The following WHRN variants were observed in gnomAD, a reference collection of about 807,000 sequenced individuals.
WHRN encodes whirlin.
A neutral mutation model predicts 68.3 loss-of-function variants in WHRN; 41 were observed. The observed-to-expected ratio is 0.60, with a 90% CI of 0.47 to 0.78. The LOEUF is 0.78. Among genes scored for constraint, WHRN ranks in the 30% least tolerant of loss-of-function variants. The pLI, the probability that WHRN is intolerant of heterozygous loss-of-function variation, is 0.00. For synonymous variants in WHRN, 560 were observed against 561.3 expected (o/e 1.00, Z 0.03); for missense variants, 1,243 against 1,244.7 (o/e 1.00, Z 0.02).
intron 5 of WHRN, 134 bp downstream of exon 5, chr9:114,424,854 T>A: frequency 9.8e-7 from 1 of 1,015,770 alleles, no homozygotes. Context: ...ATAAGTGGGC[T>A]GGGGGGTGGG....
rs1554747807 is a variant in WHRN, at chr9:114,504,788, A to G, written c.14T>C (p.Leu5Pro). MNAP[L>P]DGLSVSSSST... Reference sequence around the variant, plus strand: ...GGACGAGCTCACCGACAGGCCGTCCAGCGGCGCGTTCATCTCCACGCCGAG... The same window carrying G: ...GGACGAGCTCACCGACAGGCCGTCCGGCGGCGCGTTCATCTCCACGCCGAG... The change falls in exon 1 of 12, where the codon CTG becomes CCG. Residue 5 changes from leucine to proline, a missense_variant. Coordinates refer to ENST00000362057, the MANE Select transcript of WHRN (RefSeq NM_015404.4). 6.9e-7 allele frequency: 1 copy of G among 1,457,210 alleles called. No individual in the cohort carries two copies. The highest frequency in any genetic ancestry group is 8.9e-7 in the Non-Finnish European group (1 of 1,118,068). The allele number at this position is 1,457,210 out of a possible 1,614,324, so 90.3% of individuals were successfully genotyped here.
intron 5 of WHRN, 33 bp downstream of exon 5, chr9:114,424,955 G>A (rs1263621794): frequency 6.2e-7 from 1 of 1,611,216 alleles, no homozygotes; most frequent in Non-Finnish European, 8.5e-7. Context: ...GAGCTGTGAG[G>A]AAGCAGAGAA....
At chr9:114,451,286 C>T (rs1248415031) in intron 3 of WHRN, among the ~76,000 whole-genome samples, 12 of 152,156 alleles carry the variant, frequency 7.9e-5, no homozygotes, top group Non-Finnish European at 1.8e-4. Context: ...TTAGGGAGGC[C>T]TGCCTTTGAA....
intron 3 of WHRN, among the ~76,000 whole-genome samples, chr9:114,429,539 T>C (rs1837215208): frequency 6.6e-6 from 1 of 152,172 alleles, no homozygotes. Flanking sequence ...CCCCCAGCAA[T>C]ATCTGCAATT....
At chr9:114,413,535 C>T (rs1333232714) in intron 7 of WHRN, among the ~76,000 whole-genome samples, 1 of 152,142 alleles carries the variant, frequency 6.6e-6, no homozygotes, top group Non-Finnish European at 1.5e-5. Context: ...GTCAGTCATG[C>T]AGGTGGCGAC....
At chr9:114,474,568 A>G (rs1441501175) in intron 2 of WHRN, among the ~76,000 whole-genome samples, 2 of 152,122 alleles carry the variant, frequency 1.3e-5, no homozygotes, top group Admixed American at 1.3e-4. Context: ...GTCATGCTGT[A>G]CCCTCTGTCT....
In WHRN at chr9:114,432,783, T is replaced by C. The variant is rs73658903; in HGVS notation, c.964-6370A>G. Among the ~76,000 whole-genome samples, 1,437 of 152,304 alleles carry C rather than the reference T, an allele frequency of 9.4e-3. 23 individuals are homozygous for C. The highest frequency in any genetic ancestry group is 0.033 in the African/African-American group (1,381 of 41,552). On this transcript the variant is annotated intron_variant, in intron 3 of 11. Coordinates refer to ENST00000362057, the MANE Select transcript of WHRN (RefSeq NM_015404.4). ...AAAGCACATAAACAAGTAGCTAACA[T>C]ACAGTAACTGCATGGGTCTCCATGG...
At chr9:114,443,403 C>T (rs1056850679) in intron 3 of WHRN, among the ~76,000 whole-genome samples, 2 of 152,162 alleles carry the variant, frequency 1.3e-5, no homozygotes, top group Non-Finnish European at 2.9e-5. Flanking sequence ...TTGCCCTTTC[C>T]AAGCTACCAG....
chr9:114,412,570 C>T (rs2132256596), intron 7 of WHRN, among the ~76,000 whole-genome samples: 1 of 152,374 alleles, frequency 6.6e-6, no homozygotes. Flanking sequence ...AGGCCCGACT[C>T]CATATCCCCG....
chr9:114,423,260 G>A (rs2132355002), intron 7 of WHRN, 54 bp downstream of exon 7: 2 of 1,585,142 alleles, frequency 1.3e-6, no homozygotes, highest in Middle Eastern at 2.0e-4. Context: ...TCCAAAGCCA[G>A]CATCTTAACT....
intron 2 of WHRN, among the ~76,000 whole-genome samples, chr9:114,467,518 G>C (rs141911426): frequency 3.3e-5 from 5 of 151,984 alleles, no homozygotes; most frequent in African/African-American, 9.7e-5. Context: ...CAGCCGGCGG[G>C]GGGGAAGGGA....
chr9:114,458,534 G>GT (rs1839990503), intron 3 of WHRN, among the ~76,000 whole-genome samples: 1 of 152,186 alleles, frequency 6.6e-6, no homozygotes, highest in Non-Finnish European at 1.5e-5. Context: ...GCATGCTTGT[G>GT]TTTTCATTTT....
At position 114,424,452 on chromosome 9, in the gene WHRN, A is replaced by T; in HGVS notation, c.1298T>A (p.Leu433Gln). ...RVLLEEQARHLLNEQEHATMA... is the reference protein window; with the variant it reads ...RVLLEEQARHQLNEQEHATMA... ...GGTGGCGTGTTCCTGCTCGTTCAGCAGGTGCCGAGCCTGCTCCTCCAGCAG... is the reference window on the plus strand; with the variant it reads ...GGTGGCGTGTTCCTGCTCGTTCAGCTGGTGCCGAGCCTGCTCCTCCAGCAG... Residue 433 changes from leucine to glutamine, a missense_variant, in exon 6 of 12, where the codon CTG becomes CAG. Physicochemically the swap from Leu to Gln is moderately radical, Grantham distance 113. Transcript: ENST00000362057. 6.2e-7 allele frequency: 1 copy of T among 1,613,804 alleles called. No individual in the cohort carries two copies. Among genetic ancestry groups the T allele is most frequent in the Non-Finnish European group, 8.5e-7 (1 of 1,180,002 alleles).
At chr9:114,490,144 C>T (rs767898523) in intron 1 of WHRN, among the ~76,000 whole-genome samples, 3 of 152,334 alleles carry the variant, frequency 2.0e-5, no homozygotes, top group Non-Finnish European at 2.9e-5. Context: ...CGCTTCCTTG[C>T]GCTGCTGCAT....
intron 3 of WHRN, among the ~76,000 whole-genome samples, chr9:114,452,411 G>C (rs1322229951): frequency 6.6e-6 from 1 of 152,208 alleles, no homozygotes; most frequent in Non-Finnish European, 1.5e-5. Flanking sequence ...AGGGTTATAG[G>C]GCTAACAAGG....
chr9:114,418,026 C>T (rs925638350), intron 7 of WHRN, among the ~76,000 whole-genome samples: 6 of 152,064 alleles, frequency 3.9e-5, no homozygotes, highest in Non-Finnish European at 7.4e-5. Flanking sequence ...GTGTGGGGGT[C>T]CAGACTCCTA....
intron 1 of WHRN, among the ~76,000 whole-genome samples, chr9:114,484,091 G>T (rs1842301427): frequency 6.6e-6 from 1 of 152,184 alleles, no homozygotes; most frequent in African/African-American, 2.4e-5. Context: ...GTTCCACAGG[G>T]TTTAAGAAAA....
chr9:114,461,190 G>A (rs1038921651), intron 3 of WHRN, among the ~76,000 whole-genome samples: 4 of 152,166 alleles, frequency 2.6e-5, no homozygotes, highest in Non-Finnish European at 5.9e-5. Context: ...TTTCCGAACG[G>A]AAATCACTTT....
chr9:114,452,509 C>T (rs1839427357), intron 3 of WHRN, among the ~76,000 whole-genome samples: 1 of 152,222 alleles, frequency 6.6e-6, no homozygotes, highest in Non-Finnish European at 1.5e-5. Flanking sequence ...AGCCAGGTGT[C>T]TTTGACTCCA....
Sources: gnomAD v4.1 joint callset for allele counts (sites outside exome capture counted in the v4.1 genomes callset) on GRCh38, gnomAD v4.1.1 for gene constraint, MANE v1.5 for transcripts, NCBI Gene and HGNC (gene_info 2026-07-23, HGNC 2026-07-21) for gene names.